TSPAN18: variants seen among roughly 807,000 people sequenced by gnomAD.
TSPAN18 encodes tetraspanin 18, also known as tetraspanin-18.
Under a neutral mutation model 27.3 loss-of-function variants are expected in TSPAN18, and 14 were observed. The observed-to-expected ratio is 0.51, with a 90% CI of 0.34 to 0.80. The LOEUF is 0.80. Ranked by LOEUF, TSPAN18 falls within the 30% of genes least tolerant of loss-of-function variation. The pLI, the probability that TSPAN18 is intolerant of heterozygous loss-of-function variation, is 0.01. For synonymous variants in TSPAN18, 143 were observed against 136.5 expected (o/e 1.05, Z -0.33); for missense variants, 268 against 323.9 (o/e 0.83, Z 1.32).
intron 2 of TSPAN18, among the ~76,000 whole-genome samples, chr11:44,817,749 G>A (rs2135113763): frequency 6.6e-6 from 1 of 152,350 alleles, no homozygotes; most frequent in South Asian, 2.1e-4. Context: ...GAAGACTTGG[G>A]AACCCTAATT....
At chr11:44,910,951 G>C (rs938850454) in intron 5 of TSPAN18, among the ~76,000 whole-genome samples, 19 of 152,208 alleles carry the variant, frequency 1.2e-4, no homozygotes, top group Admixed American at 2.6e-4. Flanking sequence ...GGGCCGACCA[G>C]CTCAGCTATA....
At chr11:44,761,318 AC>A (rs937904878) in intron 1 of TSPAN18, among the ~76,000 whole-genome samples, 5 of 151,890 alleles carry the variant, frequency 3.3e-5, no homozygotes, top group Non-Finnish European at 7.4e-5. Flanking sequence ...TTAGCCCTAA[AC>A]CTTGGGATTC....
chr11:44,822,604 A>C (rs1447821204), intron 2 of TSPAN18, among the ~76,000 whole-genome samples: 2 of 151,954 alleles, frequency 1.3e-5, no homozygotes, highest in Non-Finnish European at 2.9e-5. Flanking sequence ...AGGAGGCTGC[A>C]AAATGTAGTT....
chr11:44,781,679 CT>C (rs1404220339), intron 2 of TSPAN18, among the ~76,000 whole-genome samples: 1 of 152,150 alleles, frequency 6.6e-6, no homozygotes, highest in Non-Finnish European at 1.5e-5. Flanking sequence ...TACCCAGCAA[CT>C]TTTTTCCTTT....
chr11:44,903,033 T>C (rs1438675202), intron 3 of TSPAN18, among the ~76,000 whole-genome samples: 3 of 152,164 alleles, frequency 2.0e-5, no homozygotes. Context: ...GCAACCCTAC[T>C]GTGTCCCAGG....
intron 8 of TSPAN18, among the ~76,000 whole-genome samples, chr11:44,921,095 A>G (rs902795799): frequency 6.6e-6 from 1 of 152,100 alleles, no homozygotes; most frequent in Non-Finnish European, 1.5e-5. Flanking sequence ...GCACATCCCC[A>G]TGGATTCCTG....
At chr11:44,819,360 C>T (rs189170015) in intron 2 of TSPAN18, among the ~76,000 whole-genome samples, 163 of 152,248 alleles carry the variant, frequency 1.1e-3, no homozygotes, top group Admixed American at 7.1e-3. Context: ...ACAGCAGAAA[C>T]GGCTGCATTT....
chr11:44,751,906 G>T (rs930472969), intron 1 of TSPAN18, among the ~76,000 whole-genome samples: 3 of 150,752 alleles, frequency 2.0e-5, no homozygotes, highest in Admixed American at 2.0e-4. Context: ...CAGCCTGGGT[G>T]ACAGAGCAGG....
intron 2 of TSPAN18, among the ~76,000 whole-genome samples, chr11:44,781,733 A>G (rs1200358885): frequency 6.6e-6 from 1 of 152,188 alleles, no homozygotes; most frequent in Non-Finnish European, 1.5e-5. Flanking sequence ...TATCATTTAT[A>G]TACAGACATA....
At chr11:44,800,127 G>A (rs1182383589) in intron 2 of TSPAN18, among the ~76,000 whole-genome samples, 3 of 151,834 alleles carry the variant, frequency 2.0e-5, no homozygotes, top group Non-Finnish European at 4.4e-5. Context: ...AAACTGCTGG[G>A]GTTACAGGTG....
chr11:44,768,409 C>T (rs1855616862), intron 2 of TSPAN18, among the ~76,000 whole-genome samples: 1 of 152,088 alleles, frequency 6.6e-6, no homozygotes, highest in Non-Finnish European at 1.5e-5. Flanking sequence ...TTGCTCCTTG[C>T]TGGTAGATAG....
intron 2 of TSPAN18, among the ~76,000 whole-genome samples, chr11:44,849,235 G>A (rs1035020603): frequency 2.0e-5 from 3 of 152,098 alleles, no homozygotes; most frequent in African/African-American, 2.4e-5. Flanking sequence ...GTGCCAGGAG[G>A]GACTGTGTCT....
rs533144950 is a variant in TSPAN18 at position 44,823,885 on chromosome 11, G to A, written c.-152-36443G>A. Among the ~76,000 whole-genome samples the A allele has an allele frequency of 5.3e-5, 8 of 152,254 alleles. No individual in the cohort carries two copies. The South Asian group carries it at 1.7e-3, about 32-fold the overall frequency. The stretch of plus-strand genomic sequence containing the variant: ...CGAGTAGCTGGTGGAGGGAGGAAGA[G>A]AATATGAAAGAGGCCCCCCTCTCGG... On this transcript the variant is annotated intron_variant, in intron 2 of 9. Coordinates refer to ENST00000520358, the MANE Select transcript of TSPAN18 (RefSeq NM_130783.5).
At position 44,882,844 on chromosome 11, in the gene TSPAN18, C is replaced by T. The variant is rs149235886; in HGVS notation, c.-11+22375C>T. 2.3e-3 allele frequency among the ~76,000 whole-genome samples: 349 copies of T among 152,268 alleles called. 2 individuals carry two copies. The highest frequency in any genetic ancestry group is 8.0e-3 in the African/African-American group (333 of 41,556). On this transcript the variant is annotated intron_variant, in intron 3 of 9. Transcript: ENST00000520358. ...ACCCCCAGACCCCCAGACCCAAGGG[C>T]GCTGCCTTTTGTTCTTACATCCTCA...
At position 44,906,464 on chromosome 11, in the gene TSPAN18, C is replaced by T. The variant is rs148034240; in HGVS notation, c.48C>T (p.Phe16=). ...GCATGAAGTATCTGATGTTTGTATTCAATTTCTTCATATTTGTAAGTATTC... is the reference window on the plus strand; with the variant it reads ...GCATGAAGTATCTGATGTTTGTATTTAATTTCTTCATATTTGTAAGTATTC... ...LSCMKYLMFV[F]NFFIFLGGAC... Residue 16 remains phenylalanine, a synonymous_variant, in exon 4 of 10, where the codon TTC becomes TTT. Coordinates refer to ENST00000520358, the MANE Select transcript of TSPAN18 (RefSeq NM_130783.5). 1 of 1,614,108 alleles carries T rather than the reference C, an allele frequency of 6.2e-7. No individual in the cohort carries two copies. Among genetic ancestry groups the T allele is most frequent in the Non-Finnish European group, 8.5e-7 (1 of 1,179,954 alleles).
chr11:44,852,142 G>A (rs1474605821), intron 2 of TSPAN18, among the ~76,000 whole-genome samples: 1 of 152,166 alleles, frequency 6.6e-6, no homozygotes, highest in African/African-American at 2.4e-5. Context: ...GTCGAGTACT[G>A]TATGCCATGT....
intron 3 of TSPAN18, among the ~76,000 whole-genome samples, chr11:44,879,054 C>G (rs912543510): frequency 6.6e-6 from 1 of 152,148 alleles, no homozygotes; most frequent in Non-Finnish European, 1.5e-5. Flanking sequence ...ACAGTTGGTT[C>G]GATGCTCTGC....
At chr11:44,857,735 C>T (rs542902616) in intron 2 of TSPAN18, among the ~76,000 whole-genome samples, 2 of 152,304 alleles carry the variant, frequency 1.3e-5, no homozygotes, top group South Asian at 4.1e-4. Context: ...ACCACTCAGC[C>T]GTATCCTCCC....
In TSPAN18 at chr11:44,930,698, T is replaced by C; in HGVS notation, c.*1520T>C. ...CAGGGGTGGCTGCTGGAGGCTGTGCTGGGGATCTGAGGTTTGGTCTGGGCT... is the reference window on the plus strand; with the variant it reads ...CAGGGGTGGCTGCTGGAGGCTGTGCCGGGGATCTGAGGTTTGGTCTGGGCT... On this transcript the variant is annotated 3_prime_UTR_variant, in exon 10 of 10. Coordinates refer to ENST00000520358, the MANE Select transcript of TSPAN18 (RefSeq NM_130783.5). The C allele has an allele frequency of 2.6e-6, 1 of 383,754 alleles. No homozygotes were observed. Among genetic ancestry groups the C allele is most frequent in the South Asian group, 1.9e-5 (1 of 52,378 alleles). 23.8% of individuals were successfully genotyped at this position (383,754 alleles called of 1,614,324 possible).
Sources: allele counts gnomAD v4.1 joint callset (sites outside exome capture counted in the v4.1 genomes callset), GRCh38; gene constraint gnomAD v4.1.1; transcripts MANE v1.5; gene names NCBI Gene and HGNC (gene_info 2026-07-23, HGNC 2026-07-21).